Variants in OR11G2 observed in about 807,000 individuals in gnomAD.
OR11G2 encodes the protein olfactory receptor family 11 subfamily G member 2.
In OR11G2, 2 loss-of-function variants were observed where a neutral mutation model predicts 0.9. The ratio of observed to expected loss-of-function variants is 2.35; its 90% CI spans 0.96 to 7.38. The LOEUF (loss-of-function observed/expected upper bound fraction) is 7.38, where lower values mean the gene tolerates loss of function less well. Among genes scored for constraint, OR11G2 ranks in the 30% most tolerant of loss-of-function variants. OR11G2 has a pLI of 0.05. For synonymous variants in OR11G2, 153 were observed against 142.0 expected (o/e 1.08, Z -0.55); for missense variants, 395 against 371.3 (o/e 1.06, Z -0.52).
At chr14:20,197,016 C>T (rs147643863) in intron 1 of OR11G2, among the ~76,000 whole-genome samples, 131 of 152,326 alleles carry the variant, frequency 8.6e-4, no homozygotes, top group African/African-American at 3.0e-3. Flanking sequence ...CAAAAAGCTG[C>T]AATGATTTCA....
rs1594225115 is a variant in OR11G2 at position 20,198,535 on chromosome 14, T to C, written c.*162T>C. 2 of 524,728 alleles carry C rather than the reference T, an allele frequency of 3.8e-6. No homozygotes were observed. The highest frequency in any genetic ancestry group is 3.3e-5 in the East Asian group (1 of 30,622). 32.5% of individuals were successfully genotyped at this position (524,728 alleles called of 1,614,324 possible). ...CGAGGTCAGGAGATCAAGACCACCC[T>C]GGCTAACACGGTGAAACCCTGTCTC... is the stretch of plus-strand genomic sequence containing the variant. On this transcript the variant is annotated 3_prime_UTR_variant, in exon 2 of 2. Transcript: ENST00000641879.
At chr14:20,194,480 C>T (rs572614667) in intron 1 of OR11G2, among the ~76,000 whole-genome samples, 1 of 152,182 alleles carries the variant, frequency 6.6e-6, no homozygotes, top group South Asian at 2.1e-4. Context: ...AAATAAGTTC[C>T]ATCAGAAAAA....
At chr14:20,194,178 A>G (rs906410267) in intron 1 of OR11G2, among the ~76,000 whole-genome samples, 24 of 152,222 alleles carry the variant, frequency 1.6e-4, no homozygotes, top group Middle Eastern at 3.2e-3. Context: ...TGGGAAGCTA[A>G]TTGAAATCTA....
In OR11G2 at chr14:20,199,130, A is replaced by T. The variant is rs61996982; in HGVS notation, c.*757A>T. The T allele has an allele frequency of 0.25, 38,763 of 152,092 alleles. 5,489 individuals are homozygous for T. Among genetic ancestry groups the T allele is most frequent in the African/African-American group, 0.38 (15,789 of 41,444 alleles). The allele number at this position is 152,092 out of a possible 1,614,324, so 9.4% of individuals were successfully genotyped here. On this transcript the variant is annotated 3_prime_UTR_variant, in exon 2 of 2. Transcript: ENST00000641879. ...ACTGTTTAGAAGGTCCCTCCGCTTC[A>T]GCTGATCCTAGCCTCCTATTTCAGT... is the stretch of plus-strand genomic sequence containing the variant.
Position 20,198,181 on chromosome 14 carries a change from C to G in OR11G2, c.744C>G (p.His248Gln), listed in dbSNP as rs1234295779. The G allele has an allele frequency of 5.0e-6, 8 of 1,613,326 alleles. No individual in the cohort carries two copies. The highest frequency in any genetic ancestry group is 5.9e-6 in the Non-Finnish European group (7 of 1,179,998). ...RRKAFSTCGS[H>Q]LAVVSLFYGS... ...AGGCTTTCTCCACCTGTGGGTCTCA[C>G]CTGGCTGTGGTTTCACTGTTCTACG... The change falls in exon 2 of 2, where the codon CAC becomes CAG. Residue 248 changes from histidine to glutamine, a missense_variant. Transcript: ENST00000641879.
In OR11G2 at chr14:20,197,932, C is replaced by T; in HGVS notation, c.495C>T (p.Val165=). 1 of 1,614,116 alleles carries T rather than the reference C, an allele frequency of 6.2e-7. No homozygotes were observed. The highest frequency in any genetic ancestry group is 8.5e-7 in the Non-Finnish European group (1 of 1,179,984). Residue 165 remains valine (V), a synonymous_variant, in exon 2 of 2, where the codon GTC becomes GTT. Transcript: ENST00000641879. ...LGFIWFLIPI[V]NISQMSFCGS... is the part of the protein sequence containing the mutation. ...TCATCTGGTTCTTGATTCCTATCGTCAACATCTCCCAAATGTCCTTCTGTG... is the reference window on the plus strand; with the variant it reads ...TCATCTGGTTCTTGATTCCTATCGTTAACATCTCCCAAATGTCCTTCTGTG...
In OR11G2 at chr14:20,197,712, A is replaced by G. The variant is rs2139113704; in HGVS notation, c.275A>G (p.Asp92Gly). The stretch of plus-strand genomic sequence containing the variant: ...AGCATGCTGGCCAACTTCCTCTCTG[A>G]CACCAAGATCATCTCGTTCTCTGGC... ...VPSMLANFLS[D>G]TKIISFSGCF... Residue 92 changes from aspartate (D) to glycine (G), a missense_variant, in exon 2 of 2, where the codon GAC becomes GGC. Physicochemically the swap from Asp to Gly is moderately conservative, Grantham distance 94 (BLOSUM62 -1). Coordinates refer to ENST00000641879, the MANE Select transcript of OR11G2 (RefSeq NM_001386033.1). 1 of 1,613,866 alleles carries G rather than the reference A, an allele frequency of 6.2e-7. No homozygotes were observed. Among genetic ancestry groups the G allele is most frequent in the Non-Finnish European group, 8.5e-7 (1 of 1,179,884 alleles).
rs1879871493 is a variant in OR11G2 at position 20,200,155 on chromosome 14, CCA to C, written c.*1783_*1784del. The stretch of plus-strand genomic sequence containing the variant: ...ATTTGCTGAGGATAATGACTTAATT[CCA>C]AAAAAAAAAAAAAAAAAAGTTCCTA... On this transcript the variant is annotated 3_prime_UTR_variant, in exon 2 of 2. Coordinates refer to ENST00000641879, the MANE Select transcript of OR11G2 (RefSeq NM_001386033.1). 2 of 25,992 alleles carry C rather than the reference CCA, an allele frequency of 7.7e-5. No individual in the cohort carries two copies. The highest frequency in any genetic ancestry group is 0.026 in the Middle Eastern group (1 of 38). The allele number at this position is 25,992 out of a possible 1,614,324, so 1.6% of individuals were successfully genotyped here. A position where few individuals can be genotyped will look rare whatever the true frequency, so the allele number is the denominator to read the frequency against.
At chr14:20,195,041 T>G (rs982959668) in intron 1 of OR11G2, among the ~76,000 whole-genome samples, 1 of 152,130 alleles carries the variant, frequency 6.6e-6, no homozygotes, top group African/African-American at 2.4e-5. Context: ...AGAAAAAACT[T>G]ATAGAAAATA....
chr14:20,194,332 G>A (rs1207946732), intron 1 of OR11G2, among the ~76,000 whole-genome samples: 1 of 152,178 alleles, frequency 6.6e-6, no homozygotes, highest in Non-Finnish European at 1.5e-5. Context: ...GGAGAAAAGA[G>A]AATAGCTTGA....
intron 1 of OR11G2, among the ~76,000 whole-genome samples, chr14:20,192,780 G>A (rs1879678447): frequency 6.6e-6 from 1 of 152,132 alleles, no homozygotes; most frequent in African/African-American, 2.4e-5. Flanking sequence ...ATCTTCCTCA[G>A]ACTATGTGGG....
rs1368472168 is a variant in OR11G2, at chr14:20,191,915, C to CA, written c.-5+250dup. Among the ~76,000 whole-genome samples, 547 of 132,720 alleles carry CA rather than the reference C, an allele frequency of 4.1e-3. 5 individuals carry two copies. Among genetic ancestry groups the CA allele is most frequent in the African/African-American group, 0.013 (471 of 34,964 alleles). 87.1% of individuals were successfully genotyped at this position (132,720 alleles called of 152,430 possible). A position where few individuals can be genotyped will look rare whatever the true frequency, so the allele number is the denominator to read the frequency against. On this transcript the variant is annotated intron_variant, in intron 1 of 1. Transcript: ENST00000641879. ...CATTTTTTTTTTTTTTTTTTTGAGA[C>CA]AGAGTTTCACTCTGTCACCCAAGCT...
Position 20,197,625 on chromosome 14 carries a change from T to C in OR11G2, c.188T>C (p.Met63Thr). The part of the protein sequence containing the change: ...VHWDQRLHAP[M>T]YILLANFSFL... ...TGGGATCAGAGACTCCACGCCCCCA[T>C]GTACATCCTGCTCGCCAACTTCTCC... The change falls in exon 2 of 2, where the codon ATG becomes ACG. Residue 63 changes from methionine to threonine, a missense_variant. Transcript: ENST00000641879. The C allele has an allele frequency of 3.1e-6, 5 of 1,614,182 alleles. No homozygotes were observed. Among genetic ancestry groups the C allele is most frequent in the African/African-American group, 2.7e-5 (2 of 75,060 alleles).
chr14:20,192,300 A>G (rs981105145), intron 1 of OR11G2, among the ~76,000 whole-genome samples: 1 of 152,214 alleles, frequency 6.6e-6, no homozygotes, highest in Non-Finnish European at 1.5e-5. Flanking sequence ...ATAGTATTTC[A>G]TAATGAAAAG....
intron 1 of OR11G2, among the ~76,000 whole-genome samples, chr14:20,192,202 A>G (rs185347251): frequency 1.6e-3 from 247 of 152,190 alleles, no homozygotes; most frequent in African/African-American, 5.8e-3. Flanking sequence ...CCCAAATGGC[A>G]TTTTCATCTG....
rs1240533964 is a variant in OR11G2 at position 20,198,042 on chromosome 14, T to G, written c.605T>G (p.Val202Gly). ...AAAAAAGGCCCTGTGATAGAGCTTG[T>G]CTTTTCTGTCTTAAGTCCTCTGCCT... ...TCKKGPVIELVFSVLSPLPVF... is the reference protein window; with the variant it reads ...TCKKGPVIELGFSVLSPLPVF... The change falls in exon 2 of 2, where the codon GTC (valine) becomes GGC (glycine). Residue 202 changes from valine (V) to glycine (G), a missense_variant. Coordinates refer to ENST00000641879, the MANE Select transcript of OR11G2 (RefSeq NM_001386033.1). 5.0e-6 allele frequency: 8 copies of G among 1,614,120 alleles called. No individual in the cohort carries two copies. The highest frequency in any genetic ancestry group is 5.9e-6 in the Non-Finnish European group (7 of 1,180,018).
At position 20,198,579 on chromosome 14, in the gene OR11G2, A is replaced by C; in HGVS notation, c.*206A>C. 6.2e-6 allele frequency: 2 copies of C among 323,692 alleles called. No individual in the cohort carries two copies. Among genetic ancestry groups the C allele is most frequent in the Non-Finnish European group, 1.1e-5 (2 of 176,688 alleles). The allele number at this position is 323,692 out of a possible 1,614,324, so 20.1% of individuals were successfully genotyped here. A position where few individuals can be genotyped will look rare whatever the true frequency, so the allele number is the denominator to read the frequency against. On this transcript the variant is annotated 3_prime_UTR_variant, in exon 2 of 2. Transcript: ENST00000641879. The stretch of plus-strand genomic sequence containing the variant: ...CTGTCTCTACTAAAAAATACAAAAA[A>C]TTAGCCGGGCGTGGTGGCGGACGCC...
intron 1 of OR11G2, among the ~76,000 whole-genome samples, chr14:20,192,267 A>G (rs1032745649): frequency 9.2e-5 from 14 of 152,204 alleles, no homozygotes; most frequent in African/African-American, 3.1e-4. Flanking sequence ...CATATCATGT[A>G]TACATGTGGG....
chr14:20,198,198 T>C lies in OR11G2; in HGVS notation c.761T>C (p.Leu254Pro), dbSNP rs769535174. 2 of 1,614,182 alleles carry C rather than the reference T, an allele frequency of 1.2e-6. No homozygotes were observed. Among genetic ancestry groups the C allele is most frequent in the South Asian group, 2.2e-5 (2 of 91,090 alleles). ...TCGSHLAVVS[L>P]FYGSVLVMYG... ...GGGTCTCACCTGGCTGTGGTTTCAC[T>C]GTTCTACGGCTCAGTACTGGTCATG... is the stretch of plus-strand genomic sequence containing the variant. The change falls in exon 2 of 2, where the codon CTG becomes CCG. Residue 254 changes from leucine (L) to proline (P), a missense_variant. Physicochemically the swap from Leu to Pro is moderately conservative, Grantham distance 98 (BLOSUM62 -3). Coordinates refer to ENST00000641879, the MANE Select transcript of OR11G2 (RefSeq NM_001386033.1).
Sources: allele counts gnomAD v4.1 joint callset (sites outside exome capture counted in the v4.1 genomes callset), GRCh38; gene constraint gnomAD v4.1.1; transcripts MANE v1.5; gene names NCBI Gene and HGNC (gene_info 2026-07-23, HGNC 2026-07-21).